Variants in FHIT observed in about 807,000 individuals in gnomAD.
FHIT encodes the protein bis(5'-adenosyl)-triphosphatase.
In FHIT, 19 loss-of-function variants were observed where a neutral mutation model predicts 17.9. The ratio of observed to expected loss-of-function variants is 1.06; its 90% CI spans 0.74 to 1.56. FHIT has a LOEUF of 1.56. Ranked by LOEUF, FHIT falls within the 40% of genes most tolerant of loss-of-function variation. FHIT has a pLI of 0.00. For missense variants in FHIT, 248 were observed against 189.2 expected, an observed-to-expected ratio of 1.31 and a Z score of -1.82; for synonymous variants, 81 against 69.7, an observed-to-expected ratio of 1.16 and a Z score of -0.81.
Position 59,747,445 on chromosome 3 carries a change from C to G in FHIT, c.*2140G>C, listed in dbSNP as rs1313397142. ...GAACAGCATGGGAAAGACCCTCCCC[C>G]TTGATTCAGTTACCTCCCACTGGGT... On this transcript the variant is annotated 3_prime_UTR_variant, in exon 10 of 10. Transcript: ENST00000492590. Among the ~76,000 whole-genome samples the G allele has an allele frequency of 6.6e-6, 1 of 152,106 alleles. No homozygotes were observed. The highest frequency in any genetic ancestry group is 1.5e-5 in the Non-Finnish European group (1 of 68,002).
chr3:60,444,760 G>A (rs932760143), intron 5 of FHIT, among the ~76,000 whole-genome samples: 4 of 151,634 alleles, frequency 2.6e-5, no homozygotes, highest in Admixed American at 2.0e-4. Flanking sequence ...CGAGTTAATG[G>A]GTGCAGCACA....
chr3:59,852,441 C>T (rs1291104863), intron 8 of FHIT, among the ~76,000 whole-genome samples: 1 of 152,038 alleles, frequency 6.6e-6, no homozygotes, highest in Admixed American at 6.6e-5. Context: ...CCCACATATC[C>T]CCTGCCCCAC....
chr3:60,931,774 C>T (rs1698271943), intron 3 of FHIT, among the ~76,000 whole-genome samples: 1 of 152,156 alleles, frequency 6.6e-6, no homozygotes, highest in Non-Finnish European at 1.5e-5. Flanking sequence ...TCAATTTCAG[C>T]ATTTTTTAAA....
chr3:60,318,316 A>C (rs927684668), intron 5 of FHIT, among the ~76,000 whole-genome samples: 2 of 152,220 alleles, frequency 1.3e-5, no homozygotes. Context: ...TCGATTTCTG[A>C]TCATTTTATT....
chr3:61,134,849 G>A (rs2036868316), intron 2 of FHIT, among the ~76,000 whole-genome samples: 2 of 152,126 alleles, frequency 1.3e-5, no homozygotes, highest in African/African-American at 4.8e-5. Flanking sequence ...CACCTGAATC[G>A]CAAAGGCCGG....
chr3:60,379,801 A>G (rs936592008), intron 5 of FHIT, among the ~76,000 whole-genome samples: 4 of 152,184 alleles, frequency 2.6e-5, no homozygotes, highest in African/African-American at 9.7e-5. Flanking sequence ...TAATTTACAA[A>G]ATAAATGAAA....
chr3:60,805,037 G>T (rs555307188), intron 4 of FHIT, among the ~76,000 whole-genome samples: 1 of 152,362 alleles, frequency 6.6e-6, no homozygotes, highest in South Asian at 2.1e-4. Context: ...TGGTAAAGAA[G>T]TAGATGGTCA....
chr3:59,876,499 G>A (rs1703168393), intron 8 of FHIT, among the ~76,000 whole-genome samples: 1 of 152,110 alleles, frequency 6.6e-6, no homozygotes, highest in African/African-American at 2.4e-5. Context: ...GGATGGGGAT[G>A]GCACTTCCCT....
chr3:61,072,815 TAAAA>T (rs1178015493), intron 2 of FHIT, among the ~76,000 whole-genome samples: 1 of 151,764 alleles, frequency 6.6e-6, no homozygotes, highest in Non-Finnish European at 1.5e-5. Flanking sequence ...AAATAAAAAA[TAAAA>T]AAAAGTCTTT....
At chr3:59,767,514 G>T (rs1559587228) in intron 8 of FHIT, among the ~76,000 whole-genome samples, 1 of 152,098 alleles carries the variant, frequency 6.6e-6, no homozygotes, top group African/African-American at 2.4e-5. Flanking sequence ...GAAAAATGGA[G>T]TGGTGTTCCT....
rs1553654909 is a variant in FHIT, at chr3:60,569,755, A to ATTTTTTTT, written c.-17-32784_-17-32777dup. 3.5e-3 allele frequency among the ~76,000 whole-genome samples: 273 copies of ATTTTTTTT among 77,320 alleles called. 3 individuals carry two copies. The highest frequency in any genetic ancestry group is 0.02 in the East Asian group (38 of 1,888). 50.7% of individuals were successfully genotyped at this position (77,320 alleles called of 152,430 possible). ...TATATATATATATATATATATATAT[A>ATTTTTTTT]TTTTTTTTTTTTTTAGACAGAGTTT... On this transcript the variant is annotated intron_variant, in intron 4 of 9. Transcript: ENST00000492590.
intron 5 of FHIT, among the ~76,000 whole-genome samples, chr3:60,223,103 G>C (rs932061123): frequency 6.6e-6 from 1 of 152,116 alleles, no homozygotes; most frequent in African/African-American, 2.4e-5. Context: ...TGGGAAAACT[G>C]GATCAGAGAT....
At chr3:60,690,632 G>T in intron 4 of FHIT, 1 of 523,932 alleles carries the variant, frequency 1.9e-6, no homozygotes, top group South Asian at 1.5e-5. Flanking sequence ...GCTGTCTTTG[G>T]AAGCTTGTCT....
chr3:60,708,409 C>T (rs1232243878), intron 4 of FHIT, among the ~76,000 whole-genome samples: 1 of 152,184 alleles, frequency 6.6e-6, no homozygotes, highest in Admixed American at 6.5e-5. Context: ...TTGTATTCAG[C>T]CCCTATAGAA....
intron 7 of FHIT, among the ~76,000 whole-genome samples, chr3:59,986,731 A>ATATACATATATTTATAT (rs1708960327): frequency 3.3e-4 from 2 of 6,098 alleles, no homozygotes; most frequent in Non-Finnish European, 3.9e-4. Context: ...TATTTATATA[A>ATATACATATATTTATAT]ATATATACAT....
chr3:60,154,776 T>C (rs1452958509), intron 5 of FHIT, among the ~76,000 whole-genome samples: 1 of 152,226 alleles, frequency 6.6e-6, no homozygotes, highest in Non-Finnish European at 1.5e-5. Context: ...TATGCCTATA[T>C]GAAGCATTTG....
At chr3:59,893,500 A>G (rs1257130204) in intron 8 of FHIT, among the ~76,000 whole-genome samples, 1 of 152,234 alleles carries the variant, frequency 6.6e-6, no homozygotes, top group East Asian at 1.9e-4. Context: ...ATCTCCCATT[A>G]ATGGAGAAAT....
chr3:60,059,764 C>A (rs761969683), intron 5 of FHIT, among the ~76,000 whole-genome samples: 1 of 152,136 alleles, frequency 6.6e-6, no homozygotes, highest in East Asian at 1.9e-4. Context: ...TGAATGAGGG[C>A]TGCCTAGAGC....
rs78994078 is a variant in FHIT, at chr3:60,080,599, C to T, written c.104-66447G>A. 4.0e-3 allele frequency among the ~76,000 whole-genome samples: 609 copies of T among 152,186 alleles called. 3 individuals are homozygous for T. Among genetic ancestry groups the T allele is most frequent in the African/African-American group, 0.014 (567 of 41,524 alleles). ...ATAAATTCTGAGCAAGGTACTAAGA[C>T]ATGAAGAATAAAACAGGTCTGGCTG... On this transcript the variant is annotated intron_variant, in intron 5 of 9. Coordinates refer to ENST00000492590, the MANE Select transcript of FHIT (RefSeq NM_002012.4).
Sources: gnomAD v4.1 joint callset for allele counts (sites outside exome capture counted in the v4.1 genomes callset) on GRCh38, gnomAD v4.1.1 for gene constraint, MANE v1.5 for transcripts, NCBI Gene and HGNC (gene_info 2026-07-23, HGNC 2026-07-21) for gene names.